ZNF705G: variants seen among roughly 807,000 people sequenced by gnomAD.
ZNF705G encodes the protein zinc finger protein 705G.
Under a neutral mutation model 19.6 loss-of-function variants are expected in ZNF705G, and 23 were observed. The ratio of observed to expected loss-of-function variants is 1.17; its 90% confidence interval spans 0.84 to 1.66. ZNF705G has a LOEUF of 1.66. ZNF705G is among the 40% of genes most tolerant of loss of function. The pLI, the probability that ZNF705G is intolerant of heterozygous loss-of-function variation, is 0.00. For synonymous variants in ZNF705G, 146 were observed against 117.7 expected, an observed-to-expected ratio of 1.24 and a Z score of -1.56; for missense variants, 457 against 354.4, an observed-to-expected ratio of 1.29 and a Z score of -2.32.
chr8:7,381,020 C>G lies in ZNF705G; in HGVS notation c.-72+432G>C, dbSNP rs1352626772. The stretch of plus-strand genomic sequence containing the variant: ...TACAGAGCTAGACTCTGTCTCAAAC[C>G]ACCACCAAAAAAAAAAAAAAAAAAA... On this transcript the variant is annotated intron_variant, in intron 2 of 6. Coordinates refer to ENST00000400156, the MANE Select transcript of ZNF705G (RefSeq NM_001164457.3). 3.2e-3 allele frequency among the ~76,000 whole-genome samples: 7 copies of G among 2,192 alleles called. 2 individuals are homozygous for G. In the East Asian group the frequency reaches 0.15, roughly 46 times the overall value. 1.4% of individuals were successfully genotyped at this position (2,192 alleles called of 152,430 possible).
chr8:7,368,901 G>T (rs1280050931), intron 2 of ZNF705G, among the ~76,000 whole-genome samples: 2 of 149,684 alleles, frequency 1.3e-5, no homozygotes, highest in Admixed American at 1.3e-4. Context: ...TATTAAACCT[G>T]CAGGTGCACA....
chr8:7,367,032 A>C (rs1286700711), intron 2 of ZNF705G, among the ~76,000 whole-genome samples: 2 of 149,676 alleles, frequency 1.3e-5, no homozygotes, highest in South Asian at 2.1e-4. Flanking sequence ...GCCAATACAG[A>C]TCTAGAATCT....
intron 2 of ZNF705G, among the ~76,000 whole-genome samples, chr8:7,379,056 CT>C (rs1375068358): frequency 6.6e-6 from 1 of 150,634 alleles, no homozygotes; most frequent in Non-Finnish European, 1.5e-5. Context: ...ATAGAGTTTT[CT>C]TTTTTGTGTA....
In ZNF705G at chr8:7,357,224, AT is replaced by A. The variant is rs1806312571; in HGVS notation, c.*751del. 6.6e-6 allele frequency: 1 copy of A among 150,834 alleles called. No individual in the cohort carries two copies. The highest frequency in any genetic ancestry group is 2.5e-5 in the African/African-American group (1 of 39,226). 9.3% of individuals were successfully genotyped at this position (150,834 alleles called of 1,614,324 possible). On this transcript the variant is annotated 3_prime_UTR_variant, in exon 7 of 7. Transcript: ENST00000400156. ...CTCTATGAAGAAAGGATTTCTCATGATTTTTCATTGCATAACTTCTCCAGTA... is the reference window on the plus strand; with the variant it reads ...CTCTATGAAGAAAGGATTTCTCATGATTTTCATTGCATAACTTCTCCAGTA...
At position 7,369,537 on chromosome 8, in the gene ZNF705G, G is replaced by T. The variant is rs1340720173; in HGVS notation, c.-71-6520C>A. On this transcript the variant is annotated intron_variant, in intron 2 of 6. Transcript: ENST00000400156. ...AACACTGGCCCTTGACAGCAGCCATGGGGACTGACCCTTGTATCCAAAAGA... is the reference window on the plus strand; with the variant it reads ...AACACTGGCCCTTGACAGCAGCCATTGGGACTGACCCTTGTATCCAAAAGA... Among the ~76,000 whole-genome samples, 6 of 149,478 alleles carry T rather than the reference G, an allele frequency of 4.0e-5. 1 individual carries two copies. Among genetic ancestry groups the T allele is most frequent in the African/African-American group, 1.5e-4 (6 of 38,890 alleles).
In ZNF705G at chr8:7,362,605, A is replaced by C. The variant is rs192026756; in HGVS notation, c.12+330T>G. 4.3e-4 allele frequency among the ~76,000 whole-genome samples: 64 copies of C among 149,826 alleles called. 10 individuals carry two copies. Among genetic ancestry groups the C allele is most frequent in the African/African-American group, 1.6e-3 (63 of 39,244 alleles). On this transcript the variant is annotated intron_variant, in intron 3 of 6. Transcript: ENST00000400156. The stretch of plus-strand genomic sequence containing the variant: ...TATAGGATGGATAGAAGAAAAAGAA[A>C]TATATAAATGAAACCTCTCATATCT...
Position 7,358,347 on chromosome 8 carries a change from C to A in ZNF705G, c.532G>T (p.Glu178Ter). 6.2e-7 allele frequency: 1 copy of A among 1,607,524 alleles called. No individual in the cohort carries two copies. The change falls in exon 7 of 7, where the codon GAA (glutamate) becomes TAA (stop). Residue 178 changes from glutamate to a stop codon, truncating the protein, a stop_gained. Coordinates refer to ENST00000400156, the MANE Select transcript of ZNF705G (RefSeq NM_001164457.3). LOFTEE classifies it high-confidence loss of function. ...KGKSYQCNLC[E>*]KAYTNCFHLR... ...TGAAAGCAATTAGTATAGGCCTTTTCACATAGATTACACTGATATGATTTA... is the reference window on the plus strand; with the variant it reads ...TGAAAGCAATTAGTATAGGCCTTTTAACATAGATTACACTGATATGATTTA...
chr8:7,357,702 T>G lies in ZNF705G; in HGVS notation c.*274A>C, dbSNP rs1287881587. ...ATGTGGACTGAAGAATAAAGGTAAC[T>G]GAAGTATCTTCCATGTTGATTACAG... On this transcript the variant is annotated 3_prime_UTR_variant, in exon 7 of 7. Transcript: ENST00000400156. The G allele has an allele frequency of 8.5e-6, 5 of 589,236 alleles. No individual in the cohort carries two copies. The highest frequency in any genetic ancestry group is 6.1e-5 in the African/African-American group (3 of 48,870). The allele number at this position is 589,236 out of a possible 1,614,324, so 36.5% of individuals were successfully genotyped here.
At chr8:7,370,873 C>T (rs1169706480) in intron 2 of ZNF705G, among the ~76,000 whole-genome samples, 1 of 114,178 alleles carries the variant, frequency 8.8e-6, no homozygotes, top group Admixed American at 9.4e-5. Context: ...CCATGGAATA[C>T]TATGCAGCCA....
chr8:7,367,587 T>G (rs1298001905), intron 2 of ZNF705G, among the ~76,000 whole-genome samples: 4 of 149,592 alleles, frequency 2.7e-5, no homozygotes, highest in Admixed American at 2.6e-4. Context: ...AAACTCTCCC[T>G]AAAGGACGAA....
In ZNF705G at chr8:7,367,127, T is replaced by A. The variant is rs11984912; in HGVS notation, c.-71-4110A>T. ...ATAGTGAACACAGAATATGAGAATG[T>A]GAAGTAACAATTCACACAATAAAAT... On this transcript the variant is annotated intron_variant, in intron 2 of 6. Coordinates refer to ENST00000400156, the MANE Select transcript of ZNF705G (RefSeq NM_001164457.3). Among the ~76,000 whole-genome samples the A allele has an allele frequency of 4.9e-4, 73 of 148,798 alleles. 1 individual carries two copies. The highest frequency in any genetic ancestry group is 1.6e-3 in the Admixed American group (25 of 15,206).
In ZNF705G at chr8:7,368,478, T is replaced by A. The variant is rs1325606208; in HGVS notation, c.-71-5461A>T. ...ATGGAAGGCGAATAGATATAAAAAG[T>A]TTCAATGTTCATGATGATGTAAAAA... is the stretch of plus-strand genomic sequence containing the variant. On this transcript the variant is annotated intron_variant, in intron 2 of 6. Transcript: ENST00000400156. Among the ~76,000 whole-genome samples the A allele has an allele frequency of 1.3e-5, 2 of 149,396 alleles. 1 individual carries two copies. The highest frequency in any genetic ancestry group is 2.9e-5 in the Non-Finnish European group (2 of 68,018).
intron 2 of ZNF705G, among the ~76,000 whole-genome samples, chr8:7,365,776 A>G (rs1196086859): frequency 1.3e-5 from 2 of 149,586 alleles, no homozygotes; most frequent in Non-Finnish European, 2.9e-5. Context: ...GTGACTTCCT[A>G]GCCCTTTCAC....
At position 7,359,710 on chromosome 8, in the gene ZNF705G, A is replaced by G. The variant is rs200497833; in HGVS notation, c.236-9T>C. The G allele has an allele frequency of 3.5e-4, 558 of 1,606,520 alleles. 5 individuals carry two copies. The highest frequency in any genetic ancestry group is 4.2e-4 in the Non-Finnish European group (490 of 1,179,074). On this transcript the variant is annotated splice_polypyrimidine_tract_variant and intron_variant, in intron 5 of 6. Coordinates refer to ENST00000400156, the MANE Select transcript of ZNF705G (RefSeq NM_001164457.3). ...AAGGGCACTTTCCCTGTCTGAAATAATTGAAAAATAAATTGTTACATTGGT... is the reference window on the plus strand; with the variant it reads ...AAGGGCACTTTCCCTGTCTGAAATAGTTGAAAAATAAATTGTTACATTGGT...
Position 7,362,767 on chromosome 8 carries a change from A to C in ZNF705G, c.12+168T>G, listed in dbSNP as rs193035373. 1.6e-3 allele frequency among the ~76,000 whole-genome samples: 242 copies of C among 149,460 alleles called. 8 individuals carry two copies. Among genetic ancestry groups the C allele is most frequent in the African/African-American group, 5.9e-3 (229 of 38,922 alleles). The stretch of plus-strand genomic sequence containing the variant: ...AACTTAATGGGGGGCCAGATACCTG[A>C]AAGCCTCCTGATTGCATTTGGAACA... On this transcript the variant is annotated intron_variant, in intron 3 of 6. Coordinates refer to ENST00000400156, the MANE Select transcript of ZNF705G (RefSeq NM_001164457.3).
chr8:7,358,847 G>A (rs889557701), intron 6 of ZNF705G, among the ~76,000 whole-genome samples: 4 of 149,312 alleles, frequency 2.7e-5, no homozygotes, highest in Non-Finnish European at 5.9e-5. Flanking sequence ...TTTTGCCCAT[G>A]AGGAAATTCC....
intron 2 of ZNF705G, among the ~76,000 whole-genome samples, chr8:7,364,219 A>C (rs1391754105): frequency 6.7e-6 from 1 of 149,614 alleles, no homozygotes; most frequent in Non-Finnish European, 1.5e-5. Context: ...TGTTTATATG[A>C]ATGTATGTGT....
In ZNF705G at chr8:7,376,175, A is replaced by G. The variant is rs1208375009; in HGVS notation, c.-72+5277T>C. Among the ~76,000 whole-genome samples the G allele has an allele frequency of 1.2e-3, 102 of 81,692 alleles. 22 individuals are homozygous for G. Among genetic ancestry groups the G allele is most frequent in the Non-Finnish European group, 2.0e-3 (87 of 43,528 alleles). 53.6% of individuals were successfully genotyped at this position (81,692 alleles called of 152,430 possible). A position where few individuals can be genotyped will look rare whatever the true frequency, so the allele number is the denominator to read the frequency against. ...TTACCATTGTCTTCAGAAAAGCATGACCTTTATTTCCCAATTTGCATTACA... is the reference window on the plus strand; with the variant it reads ...TTACCATTGTCTTCAGAAAAGCATGGCCTTTATTTCCCAATTTGCATTACA... On this transcript the variant is annotated intron_variant, in intron 2 of 6. Coordinates refer to ENST00000400156, the MANE Select transcript of ZNF705G (RefSeq NM_001164457.3).
intron 2 of ZNF705G, among the ~76,000 whole-genome samples, chr8:7,379,608 C>T (rs1417806962): frequency 2.0e-5 from 3 of 147,168 alleles, no homozygotes; most frequent in Non-Finnish European, 4.4e-5. Context: ...GAAAATGAAG[C>T]AGCTGCCCAG....
Sources: gnomAD v4.1 joint callset for allele counts (sites outside exome capture counted in the v4.1 genomes callset) on GRCh38, gnomAD v4.1.1 for gene constraint, MANE v1.5 for transcripts, NCBI Gene and HGNC (gene_info 2026-07-23, HGNC 2026-07-21) for gene names.